ADAM22: variants seen among roughly 807,000 people sequenced by gnomAD.
ADAM22 encodes the protein disintegrin and metalloproteinase domain-containing protein 22.
A neutral mutation model predicts 144.6 loss-of-function variants in ADAM22; 65 were observed. The observed-to-expected ratio is 0.45, with a 90% confidence interval of 0.37 to 0.55. ADAM22 has a LOEUF of 0.55. Ranked by LOEUF, ADAM22 falls within the 20% of genes least tolerant of loss-of-function variation. The pLI, the probability that ADAM22 is intolerant of heterozygous loss-of-function variation, is 0.00. For synonymous variants in ADAM22, 391 were observed against 412.6 expected, an observed-to-expected ratio of 0.95 and a Z score of 0.63; for missense variants, 974 against 1,184.9, an observed-to-expected ratio of 0.82 and a Z score of 2.61.
chr7:88,184,207 A>G (rs1847775937), intron 29 of ADAM22: 1 of 203,992 alleles, frequency 4.9e-6, no homozygotes, highest in Non-Finnish European at 1.1e-5. Flanking sequence ...TTTCCAGTCA[A>G]AACTTTTGCA....
intron 30 of ADAM22, among the ~76,000 whole-genome samples, chr7:88,187,065 C>G (rs1848487460): frequency 6.6e-6 from 1 of 152,166 alleles, no homozygotes; most frequent in Non-Finnish European, 1.5e-5. Context: ...TAGAATCTAG[C>G]AGTTTCATAA....
intron 2 of ADAM22, among the ~76,000 whole-genome samples, chr7:87,944,828 T>TTG (rs1554339435): frequency 1.3e-5 from 2 of 151,220 alleles, no homozygotes; most frequent in African/African-American, 2.4e-5. Context: ...TTTTTTTTTT[T>TTG]TTGTTTTTTT....
rs148629798 is a variant in ADAM22, at chr7:87,978,046, A to G, written c.247-290A>G. On this transcript the variant is annotated intron_variant, in intron 2 of 31. Coordinates refer to ENST00000413139, the MANE Select transcript of ADAM22 (RefSeq NM_001324418.2). Reference sequence around the variant, plus strand: ...AAAGGAGCTAGTCACTTAAAATCAGATAAGATGAATGAAGTGCAGTCATCT... The same window carrying G: ...AAAGGAGCTAGTCACTTAAAATCAGGTAAGATGAATGAAGTGCAGTCATCT... Among the ~76,000 whole-genome samples, 57 of 152,352 alleles carry G rather than the reference A, an allele frequency of 3.7e-4. No homozygotes were observed. In the East Asian group the frequency reaches 8.1e-3, roughly 22 times the overall value.
intron 3 of ADAM22, among the ~76,000 whole-genome samples, chr7:88,009,770 C>T (rs1351648356): frequency 6.6e-6 from 1 of 152,142 alleles, no homozygotes; most frequent in Non-Finnish European, 1.5e-5. Flanking sequence ...ACTACCCTAT[C>T]CTTCAGTTGG....
intron 11 of ADAM22, chr7:88,132,533 A>G (rs536864618): frequency 9.7e-6 from 2 of 206,652 alleles, no homozygotes; most frequent in Admixed American, 5.4e-5. Context: ...ACTGTTCCTC[A>G]TTATGGGAAT....
In ADAM22 at chr7:88,092,294, T is replaced by A. The variant is rs1386647537; in HGVS notation, c.391-15882T>A. On this transcript the variant is annotated intron_variant, in intron 4 of 31. Coordinates refer to ENST00000413139, the MANE Select transcript of ADAM22 (RefSeq NM_001324418.2). ...CAAAATACCCATCCCCCCTACCTCT[T>A]TTACCCTCCGTTCCACAACATACAC... Among the ~76,000 whole-genome samples, 3 of 152,210 alleles carry A rather than the reference T, an allele frequency of 2.0e-5. No individual in the cohort carries two copies. The East Asian group carries it at 5.8e-4, about 29-fold the overall frequency.
intron 3 of ADAM22, among the ~76,000 whole-genome samples, chr7:87,983,979 T>A (rs191030823): frequency 4.7e-4 from 71 of 152,270 alleles, no homozygotes; most frequent in Non-Finnish European, 3.5e-4. Flanking sequence ...ATTTATTATA[T>A]TAATGGGATA....
intron 5 of ADAM22, 139 bp downstream of exon 5, chr7:88,108,397 TC>T (rs1219475514): frequency 1.4e-6 from 1 of 721,598 alleles, no homozygotes; most frequent in East Asian, 2.8e-5. Context: ...TTTTTTTTTC[TC>T]TTTTGTATTT....
chr7:88,098,981 C>T (rs1822194130), intron 4 of ADAM22, among the ~76,000 whole-genome samples: 1 of 152,040 alleles, frequency 6.6e-6, no homozygotes, highest in African/African-American at 2.4e-5. Flanking sequence ...AACATTTGTA[C>T]CCTGGAATGG....
rs1554478726 is a variant in ADAM22 at position 88,113,703 on chromosome 7, A to AATAAATAAATAAATAAAT, written c.474-878_474-877insAATAAATAAATAAATATA. On this transcript the variant is annotated intron_variant, in intron 5 of 31. Transcript: ENST00000413139. ...TATATATATTATAAATAAATAAATAAATATATATATATATATATATATATA... is the reference window on the plus strand; with the variant it reads ...TATATATATTATAAATAAATAAATAAATAAATAAATAAATAAATATATATATATATATATATATATATA... Among the ~76,000 whole-genome samples, 12 of 48,106 alleles carry AATAAATAAATAAATAAAT rather than the reference A, an allele frequency of 2.5e-4. No homozygotes were observed. The East Asian group carries it at 4.2e-3, about 17-fold the overall frequency. The allele number at this position is 48,106 out of a possible 152,430, so 31.6% of individuals were successfully genotyped here.
At chr7:88,142,317 G>T (rs1475309762) in intron 14 of ADAM22, among the ~76,000 whole-genome samples, 1 of 152,104 alleles carries the variant, frequency 6.6e-6, no homozygotes, top group Admixed American at 6.5e-5. Context: ...GCTTCTTTCA[G>T]TCTGGAACAG....
At chr7:87,939,852 A>G (rs935783085) in intron 2 of ADAM22, among the ~76,000 whole-genome samples, 4 of 152,310 alleles carry the variant, frequency 2.6e-5, no homozygotes, top group South Asian at 2.1e-4. Context: ...ATAGAAGAGA[A>G]CTTATAGGTT....
Position 88,148,898 on chromosome 7 carries a change from C to A in ADAM22, c.1486-79C>A, listed in dbSNP as rs1837419897. ...AAGGTATTTCTAGCCAAACAATTTTCATTTTGTTTTTTTTAGATGATATTG... is the reference window on the plus strand; with the variant it reads ...AAGGTATTTCTAGCCAAACAATTTTAATTTTGTTTTTTTTAGATGATATTG... On this transcript the variant is annotated intron_variant, in intron 17 of 31. Coordinates refer to ENST00000413139, the MANE Select transcript of ADAM22 (RefSeq NM_001324418.2). 3 of 1,108,836 alleles carry A rather than the reference C, an allele frequency of 2.7e-6. No homozygotes were observed. In the South Asian group the frequency reaches 4.4e-5, roughly 16 times the overall value. 68.7% of individuals were successfully genotyped at this position (1,108,836 alleles called of 1,614,324 possible).
At chr7:88,144,673 C>G (rs1031650677) in intron 15 of ADAM22, among the ~76,000 whole-genome samples, 6 of 151,892 alleles carry the variant, frequency 4.0e-5, no homozygotes, top group African/African-American at 1.2e-4. Flanking sequence ...ATTATTATTC[C>G]TGTTTTAGAT....
intron 15 of ADAM22, among the ~76,000 whole-genome samples, 176 bp downstream of exon 15, chr7:88,143,301 T>G (rs532520341): frequency 6.6e-6 from 1 of 152,382 alleles, no homozygotes; most frequent in South Asian, 2.1e-4. Context: ...TTGGGCATTT[T>G]GGGCTATTCT....
chr7:88,122,111 G>A (rs184184138), intron 7 of ADAM22, among the ~76,000 whole-genome samples: 1 of 152,138 alleles, frequency 6.6e-6, no homozygotes, highest in Non-Finnish European at 1.5e-5. Context: ...GCTCAACTGT[G>A]GAAGGATATG....
At chr7:88,003,404 A>C (rs1793041846) in intron 3 of ADAM22, among the ~76,000 whole-genome samples, 2 of 152,224 alleles carry the variant, frequency 1.3e-5, no homozygotes, top group African/African-American at 4.8e-5. Flanking sequence ...TTTAACTGGG[A>C]ATCAAGAGGC....
At chr7:88,023,182 T>C (rs896874981) in intron 3 of ADAM22, among the ~76,000 whole-genome samples, 1 of 152,220 alleles carries the variant, frequency 6.6e-6, no homozygotes, top group Non-Finnish European at 1.5e-5. Flanking sequence ...TTCAGAACAA[T>C]GGAAGTGGAA....
chr7:88,148,486 G>T lies in ADAM22; in HGVS notation c.1486-491G>T, dbSNP rs191887677. On this transcript the variant is annotated intron_variant, in intron 17 of 31. Transcript: ENST00000413139. Reference sequence around the variant, plus strand: ...ACACTAGAAAATAATAAAAGACCAAGATCTAAATCCATGTAAAAATGAGGC... The same window carrying T: ...ACACTAGAAAATAATAAAAGACCAATATCTAAATCCATGTAAAAATGAGGC... Among the ~76,000 whole-genome samples, 500 of 152,204 alleles carry T rather than the reference G, an allele frequency of 3.3e-3. 4 individuals carry two copies. The highest frequency in any genetic ancestry group is 0.011 in the African/African-American group (470 of 41,548).
Sources: gnomAD v4.1 joint callset for allele counts (sites outside exome capture counted in the v4.1 genomes callset) on GRCh38, gnomAD v4.1.1 for gene constraint, MANE v1.5 for transcripts, NCBI Gene and HGNC (gene_info 2026-07-23, HGNC 2026-07-21) for gene names.